The following MYCBPAP variants were observed in gnomAD, a reference collection of about 807,000 sequenced individuals.
MYCBPAP encodes MYCBP-associated protein.
A neutral mutation model predicts 106.1 loss-of-function variants in MYCBPAP; 60 were observed. The ratio of observed to expected loss-of-function variants is 0.57; its 90% CI spans 0.46 to 0.70. The LOEUF is 0.70. MYCBPAP is among the 30% of genes least tolerant of loss of function. The pLI, the probability that MYCBPAP is intolerant of heterozygous loss-of-function variation, is 0.00. For missense variants in MYCBPAP, 1,064 were observed against 1,169.3 expected, an observed-to-expected ratio of 0.91 and a Z score of 1.31; for synonymous variants, 407 against 440.6, an observed-to-expected ratio of 0.92 and a Z score of 0.95.
At chr17:50,515,322 C>G (rs1346829922) in intron 1 of MYCBPAP, among the ~76,000 whole-genome samples, 2 of 152,084 alleles carry the variant, frequency 1.3e-5, no homozygotes, top group African/African-American at 4.8e-5. Flanking sequence ...GGCATGTGCT[C>G]TTTAAAGACA....
At chr17:50,517,476 T>A in intron 3 of MYCBPAP, 24 bp downstream of exon 3, 1 of 1,614,166 alleles carries the variant, frequency 6.2e-7, no homozygotes, top group Non-Finnish European at 8.5e-7. Context: ...CAGCCCTGGC[T>A]TCACTGTCTT....
chr17:50,508,447 C>T lies in MYCBPAP; in HGVS notation c.-228C>T. 1.6e-6 allele frequency: 2 copies of T among 1,214,000 alleles called. No individual in the cohort carries two copies. Among genetic ancestry groups the T allele is most frequent in the South Asian group, 1.4e-5 (1 of 70,256 alleles). 75.2% of individuals were successfully genotyped at this position (1,214,000 alleles called of 1,614,324 possible). ...TCACAGGCCGGGCCCGCAGGGCTTT[C>T]TAGGGGTCCGTCGCTCTTGAAGCCG... On this transcript the variant is annotated 5_prime_UTR_variant, in exon 1 of 19. Coordinates refer to ENST00000323776, the MANE Select transcript of MYCBPAP (RefSeq NM_032133.6).
Position 50,519,392 on chromosome 17 carries a change from A to G in MYCBPAP, c.769-248A>G, listed in dbSNP as rs893093171. On this transcript the variant is annotated intron_variant, in intron 6 of 18. Transcript: ENST00000323776. ...AAAGAGAGAGGTTGAAGAGTCCCCC[A>G]CCTTTTTTTCTGGTAGACCAGTGCA... 12 of 590,480 alleles carry G rather than the reference A, an allele frequency of 2.0e-5. No homozygotes were observed. The African/African-American group carries it at 2.2e-4, about 11-fold the overall frequency. The allele number at this position is 590,480 out of a possible 1,614,324, so 36.6% of individuals were successfully genotyped here.
In MYCBPAP at chr17:50,517,685, G is replaced by A. The variant is rs759727010; in HGVS notation, c.455G>A (p.Arg152Gln). ...LQDFKRIALARGNTQLAERIP... is the reference protein window; with the variant it reads ...LQDFKRIALAQGNTQLAERIP... Reference sequence around the variant, plus strand: ...GATTTTAAGAGAATTGCACTTGCTCGAGGGAACACCCAGGTTTGTTTGCAC... The same window carrying A: ...GATTTTAAGAGAATTGCACTTGCTCAAGGGAACACCCAGGTTTGTTTGCAC... Residue 152 changes from arginine to glutamine, a missense_variant, in exon 4 of 19, where the codon CGA becomes CAA. By Grantham distance (43) the Arg-to-Gln change is conservative. Transcript: ENST00000323776. The A allele has an allele frequency of 1.1e-5, 18 of 1,613,972 alleles. No homozygotes were observed. The highest frequency in any genetic ancestry group is 6.7e-5 in the East Asian group (3 of 44,890).
chr17:50,513,639 G>A (rs919682049), intron 1 of MYCBPAP, among the ~76,000 whole-genome samples: 1 of 152,198 alleles, frequency 6.6e-6, no homozygotes, highest in Non-Finnish European at 1.5e-5. Context: ...CTATTGACAC[G>A]TGGTAATTGT....
rs945997898 is a variant in MYCBPAP, at chr17:50,516,465, C to G, written c.77-105C>G. 8.9e-6 allele frequency: 12 copies of G among 1,344,326 alleles called. No homozygotes were observed. In the African/African-American group the frequency reaches 1.2e-4, roughly 13 times the overall value. 83.3% of individuals were successfully genotyped at this position (1,344,326 alleles called of 1,614,324 possible). A position where few individuals can be genotyped will look rare whatever the true frequency, so the allele number is the denominator to read the frequency against. On this transcript the variant is annotated intron_variant, in intron 1 of 18. Transcript: ENST00000323776. Reference sequence around the variant, plus strand: ...TATCCAGCTGGTCAGCTCTGCCCCCCACCATGGAGTCTAGTATATATTTTT... The same window carrying G: ...TATCCAGCTGGTCAGCTCTGCCCCCGACCATGGAGTCTAGTATATATTTTT...
Position 50,528,758 on chromosome 17 carries a change from G to A in MYCBPAP, c.2471G>A (p.Arg824Gln), listed in dbSNP as rs201953981. ...GTGGGGAAAGCTGGGAAGGAGGAGCGGAAAGGAGCAGCCCAGGAAAAGAAG... is the reference window on the plus strand; with the variant it reads ...GTGGGGAAAGCTGGGAAGGAGGAGCAGAAAGGAGCAGCCCAGGAAAAGAAG... The part of the protein sequence containing the change: ...VPVGKAGKEE[R>Q]KGAAQEKKQL... The change falls in exon 17 of 19, where the codon CGG (arginine) becomes CAG (glutamine). Residue 824 changes from arginine (R) to glutamine (Q), a missense_variant. Coordinates refer to ENST00000323776, the MANE Select transcript of MYCBPAP (RefSeq NM_032133.6). 3.0e-5 allele frequency: 49 copies of A among 1,613,982 alleles called. No individual in the cohort carries two copies. The highest frequency in any genetic ancestry group is 6.7e-5 in the African/African-American group (5 of 74,910).
chr17:50,524,710 G>T (rs1459504468), intron 12 of MYCBPAP, among the ~76,000 whole-genome samples, 167 bp from the exon 13 acceptor site: 1 of 90,830 alleles, frequency 1.1e-5, no homozygotes, highest in African/African-American at 5.7e-5. Context: ...CTTAGAACAG[G>T]CGTGTGTGTG....
intron 10 of MYCBPAP, 191 bp from the exon 11 acceptor site, chr17:50,522,748 T>C (rs1004983510): frequency 3.2e-6 from 1 of 314,730 alleles, no homozygotes; most frequent in East Asian, 5.5e-5. Flanking sequence ...CTCTTCTTGC[T>C]ATTGAGGGTA....
intron 14 of MYCBPAP, 147 bp from the exon 15 acceptor site, chr17:50,527,140 C>T: frequency 1.8e-6 from 2 of 1,120,838 alleles, no homozygotes; most frequent in South Asian, 1.5e-5. Flanking sequence ...GTCCCTGGCT[C>T]CCACCAAAGG....
rs774304337 is a variant in MYCBPAP at position 50,512,053 on chromosome 17, C to CTTT, written c.76+3317_76+3319dup. Among the ~76,000 whole-genome samples, 178 of 131,820 alleles carry CTTT rather than the reference C, an allele frequency of 1.4e-3. 7 individuals are homozygous for CTTT. Among genetic ancestry groups the CTTT allele is most frequent in the South Asian group, 6.1e-3 (25 of 4,092 alleles). 86.5% of individuals were successfully genotyped at this position (131,820 alleles called of 152,430 possible). On this transcript the variant is annotated intron_variant, in intron 1 of 18. Transcript: ENST00000323776. Reference sequence around the variant, plus strand: ...CCTCTCCACCTCCCCAGCAAGTTTTCTTTTTTTTTTTTTTTTGAGACGGAG... The same window carrying CTTT: ...CCTCTCCACCTCCCCAGCAAGTTTTCTTTTTTTTTTTTTTTTTTTGAGACGGAG...
intron 18 of MYCBPAP, among the ~76,000 whole-genome samples, chr17:50,531,082 G>T (rs1287591095): frequency 6.6e-6 from 1 of 151,264 alleles, no homozygotes; most frequent in African/African-American, 2.4e-5. Flanking sequence ...AGCCAGGGAA[G>T]TCAAGGCTGC....
intron 13 of MYCBPAP, 64 bp from the exon 14 acceptor site, chr17:50,525,817 A>G (rs946526769): frequency 2.6e-6 from 4 of 1,509,630 alleles, no homozygotes; most frequent in African/African-American, 2.8e-5. Flanking sequence ...CCTTATTTAC[A>G]TTGAAGAAAC....
intron 14 of MYCBPAP, 32 bp from the exon 15 acceptor site, chr17:50,527,255 C>T: frequency 6.2e-7 from 1 of 1,612,986 alleles, no homozygotes; most frequent in South Asian, 1.1e-5. Flanking sequence ...CCTTGGTGTC[C>T]TGGTGCAGAA....
intron 1 of MYCBPAP, among the ~76,000 whole-genome samples, chr17:50,511,880 C>T (rs529699431): frequency 6.6e-6 from 1 of 152,222 alleles, no homozygotes; most frequent in South Asian, 2.1e-4. Context: ...GCCTCTGCCT[C>T]TCCGGTCCAT....
chr17:50,518,805 C>T (rs2034148922), intron 5 of MYCBPAP, 81 bp downstream of exon 5: 1 of 1,534,346 alleles, frequency 6.5e-7, no homozygotes. Flanking sequence ...CCTCCAGAGC[C>T]TGGCCTTGGG....
At chr17:50,521,493 A>T in intron 9 of MYCBPAP, 62 bp downstream of exon 9, 1 of 1,277,568 alleles carries the variant, frequency 7.8e-7, no homozygotes. Flanking sequence ...TACCAGTATT[A>T]AAGAGCGGGC....
chr17:50,525,659 C>CTCTCTT (rs57947501), intron 13 of MYCBPAP, among the ~76,000 whole-genome samples: 1 of 131,364 alleles, frequency 7.6e-6, no homozygotes, highest in African/African-American at 2.9e-5. Context: ...GCTAATTTCT[C>CTCTCTT]TTTTTTTTTT....
At chr17:50,525,704 C>T (rs1416265970) in intron 13 of MYCBPAP, among the ~76,000 whole-genome samples, 177 bp from the exon 14 acceptor site, 6 of 142,336 alleles carry the variant, frequency 4.2e-5, no homozygotes, top group African/African-American at 1.0e-4. Flanking sequence ...TCATACAGGC[C>T]GGTCTTGAAC....
Sources: allele counts gnomAD v4.1 joint callset (sites outside exome capture counted in the v4.1 genomes callset), GRCh38; gene constraint gnomAD v4.1.1; transcripts MANE v1.5; gene names NCBI Gene and HGNC (gene_info 2026-07-23, HGNC 2026-07-21).